The following MOCOS variants were observed in gnomAD, a reference collection of about 807,000 sequenced individuals.
MOCOS encodes human molybdenum cofactor sulfurase.
Under a neutral mutation model 83.6 loss-of-function variants are expected in MOCOS, and 86 were observed. The observed-to-expected ratio is 1.03, with a 90% CI of 0.86 to 1.23. MOCOS has a LOEUF of 1.23. Ranked by LOEUF, MOCOS falls within the 50% of genes most tolerant of loss-of-function variation. MOCOS has a pLI of 0.00. For synonymous variants in MOCOS, 445 were observed against 434.7 expected, an observed-to-expected ratio of 1.02 and a Z score of -0.29; for missense variants, 1,120 against 1,126.9, an observed-to-expected ratio of 0.99 and a Z score of 0.09.
At chr18:36,200,366 G>T in intron 4 of MOCOS, 42 bp downstream of exon 4, 1 of 1,611,138 alleles carries the variant, frequency 6.2e-7, no homozygotes, top group Non-Finnish European at 8.5e-7. Context: ...GTTCAGCAAG[G>T]TGGGGTCTGG....
At chr18:36,239,255 T>G (rs1392591807) in intron 9 of MOCOS, among the ~76,000 whole-genome samples, 1 of 152,116 alleles carries the variant, frequency 6.6e-6, no homozygotes, top group African/African-American at 2.4e-5. Flanking sequence ...TTTGGCATGA[T>G]TTTGCAGCGG....
intron 1 of MOCOS, among the ~76,000 whole-genome samples, chr18:36,189,337 T>C (rs1325015099): frequency 6.6e-6 from 1 of 152,198 alleles, no homozygotes; most frequent in Non-Finnish European, 1.5e-5. Flanking sequence ...GTTCCTTGTA[T>C]TTCCTCTACA....
chr18:36,188,806 G>C, intron 1 of MOCOS, among the ~76,000 whole-genome samples: 1 of 152,064 alleles, frequency 6.6e-6, no homozygotes, highest in East Asian at 1.9e-4. Context: ...CCTAAGTAGG[G>C]AGAGTCAGGA....
chr18:36,198,827 C>A, intron 3 of MOCOS, 71 bp downstream of exon 3: 1 of 1,527,010 alleles, frequency 6.5e-7, no homozygotes, highest in Non-Finnish European at 9.1e-7. Context: ...GACTTGCCTG[C>A]ATCCCACAAA....
chr18:36,198,797 C>T, intron 3 of MOCOS, 41 bp downstream of exon 3: 1 of 1,596,564 alleles, frequency 6.3e-7, no homozygotes, highest in Admixed American at 1.7e-5. Flanking sequence ...CATACCTAGG[C>T]AGACAGACTT....
At chr18:36,250,649 G>GTTTTGTTCAGTCAGAACA (rs2091618482) in intron 10 of MOCOS, among the ~76,000 whole-genome samples, 1 of 152,114 alleles carries the variant, frequency 6.6e-6, no homozygotes, top group Non-Finnish European at 1.5e-5. Flanking sequence ...ATACATTTTG[G>GTTTTGTTCAGTCAGAACA]ATAAACAAAA....
At chr18:36,249,886 A>G (rs2091615659) in intron 10 of MOCOS, among the ~76,000 whole-genome samples, 2 of 152,272 alleles carry the variant, frequency 1.3e-5, no homozygotes, top group South Asian at 4.2e-4. Flanking sequence ...TACCCATATT[A>G]TGGGTTATTA....
Position 36,234,508 on chromosome 18 carries a change from G to A in MOCOS, c.1960+14291G>A, listed in dbSNP as rs1295200722. 5.9e-5 allele frequency among the ~76,000 whole-genome samples: 9 copies of A among 152,130 alleles called. No individual in the cohort carries two copies. In the East Asian group the frequency reaches 1.7e-3, roughly 29 times the overall value. On this transcript the variant is annotated intron_variant, in intron 9 of 14. Coordinates refer to ENST00000261326, the MANE Select transcript of MOCOS (RefSeq NM_017947.4). Reference sequence around the variant, plus strand: ...TTTTGCTTAGTCTTGCTTTGGCTAAGTGGGCTGTTTTTTTGTTTCCATACG... The same window carrying A: ...TTTTGCTTAGTCTTGCTTTGGCTAAATGGGCTGTTTTTTTGTTTCCATACG...
At chr18:36,205,426 A>C in intron 6 of MOCOS, 150 bp downstream of exon 6, 2 of 824,584 alleles carry the variant, frequency 2.4e-6, no homozygotes, top group Admixed American at 4.1e-5. Flanking sequence ...CTCGTTTTTC[A>C]GTCCTCTTTA....
At chr18:36,232,077 G>A (rs550071897) in intron 9 of MOCOS, among the ~76,000 whole-genome samples, 40 of 152,198 alleles carry the variant, frequency 2.6e-4, no homozygotes, top group African/African-American at 8.7e-4. Flanking sequence ...AGCCTCAAGC[G>A]ATCCTGCTAC....
intron 6 of MOCOS, among the ~76,000 whole-genome samples, chr18:36,209,292 C>T (rs1046591554): frequency 1.3e-5 from 2 of 151,986 alleles, no homozygotes; most frequent in Non-Finnish European, 2.9e-5. Flanking sequence ...GATCCTCCCA[C>T]CTCAGCTTCC....
chr18:36,239,112 T>A (rs889435631), intron 9 of MOCOS, among the ~76,000 whole-genome samples: 1 of 150,246 alleles, frequency 6.7e-6, no homozygotes, highest in Non-Finnish European at 1.5e-5. Context: ...TGTCTTTTAA[T>A]TGGAGCATTT....
At chr18:36,259,955 A>G (rs1178352302) in intron 12 of MOCOS, 82 bp from the exon 13 acceptor site, 2 of 1,569,432 alleles carry the variant, frequency 1.3e-6, no homozygotes, top group East Asian at 2.2e-5. Flanking sequence ...TAGGTGTTAC[A>G]TGGCAGGCAT....
At chr18:36,232,029 C>G (rs1308306064) in intron 9 of MOCOS, among the ~76,000 whole-genome samples, 1 of 152,254 alleles carries the variant, frequency 6.6e-6, no homozygotes, top group East Asian at 1.9e-4. Flanking sequence ...TGCAGTGACA[C>G]AATCTCAGCT....
chr18:36,208,024 A>T lies in MOCOS; in HGVS notation c.1218+2748A>T, dbSNP rs1192832677. On this transcript the variant is annotated intron_variant, in intron 6 of 14. Transcript: ENST00000261326. ...ATCTTCTGCATATCTATAGCCAGTT[A>T]TCCCAGCACCATTTATTGAATAGGG... Among the ~76,000 whole-genome samples, 94 of 152,120 alleles carry T rather than the reference A, an allele frequency of 6.2e-4. 2 individuals carry two copies. Among genetic ancestry groups the T allele is most frequent in the Non-Finnish European group, 2.5e-4 (17 of 68,000 alleles).
chr18:36,206,280 T>G (rs964737359), intron 6 of MOCOS, among the ~76,000 whole-genome samples: 4 of 136,026 alleles, frequency 2.9e-5, no homozygotes, highest in African/African-American at 1.1e-4. Context: ...GGAGTCTTGC[T>G]CTGTCACCCA....
rs1028993386 is a variant in MOCOS at position 36,256,817 on chromosome 18, T to C, written c.2165-151T>C. On this transcript the variant is annotated intron_variant, in intron 11 of 14. Coordinates refer to ENST00000261326, the MANE Select transcript of MOCOS (RefSeq NM_017947.4). ...CCTCTTTATTGAGAGATATGCACCA[T>C]GCTTAGGACATTTTTATTATTGCCA... 3 of 730,142 alleles carry C rather than the reference T, an allele frequency of 4.1e-6. 1 individual carries two copies. Among genetic ancestry groups the C allele is most frequent in the Middle Eastern group, 4.7e-4 (2 of 4,254 alleles). The allele number at this position is 730,142 out of a possible 1,614,324, so 45.2% of individuals were successfully genotyped here.
At chr18:36,199,653 C>T (rs755997651) in intron 3 of MOCOS, 30 bp from the exon 4 acceptor site, 14 of 1,612,020 alleles carry the variant, frequency 8.7e-6, no homozygotes, top group Middle Eastern at 2.0e-4. Context: ...CTGAGATCCG[C>T]GGGTTGCGGG....
chr18:36,206,153 A>G (rs943768968), intron 6 of MOCOS, among the ~76,000 whole-genome samples: 2 of 152,012 alleles, frequency 1.3e-5, no homozygotes, highest in Non-Finnish European at 2.9e-5. Flanking sequence ...AGGAAGGCAA[A>G]TGTGAACTGG....
Sources: gnomAD v4.1 joint callset for allele counts (sites outside exome capture counted in the v4.1 genomes callset) on GRCh38, gnomAD v4.1.1 for gene constraint, MANE v1.5 for transcripts, NCBI Gene and HGNC (gene_info 2026-07-23, HGNC 2026-07-21) for gene names.